Variants in TOP2A observed in about 807,000 individuals in gnomAD.
The protein encoded by TOP2A is DNA topoisomerase II alpha, also known as DNA topoisomerase 2-alpha.
In TOP2A, 68 loss-of-function variants were observed where a neutral mutation model predicts 187.2. The observed-to-expected ratio is 0.36, with a 90% CI of 0.30 to 0.44. The LOEUF (loss-of-function observed/expected upper bound fraction) is 0.44. TOP2A is among the 20% of genes least tolerant of loss of function. TOP2A has a pLI of 1.00. For synonymous variants in TOP2A, 542 were observed against 593.2 expected (o/e 0.91, Z 1.25); for missense variants, 1,196 against 1,808.7 (o/e 0.66, Z 6.14).
Position 40,396,407 on chromosome 17 carries a change from T to C in TOP2A, c.3596A>G (p.Lys1199Arg), listed in dbSNP as rs565710762. 2.5e-6 allele frequency: 4 copies of C among 1,613,866 alleles called. No individual in the cohort carries two copies. The highest frequency in any genetic ancestry group is 3.4e-6 in the Non-Finnish European group (4 of 1,179,882). The change falls in exon 28 of 35, where the codon AAG (lysine) becomes AGG (arginine). Residue 1199 changes from lysine to arginine, a missense_variant. Coordinates refer to ENST00000423485, the MANE Select transcript of TOP2A (RefSeq NM_001067.4). ...CATTTGTGTTTTTTTCCCCTTGGCC[T>C]TCCCCCCTTTCCCAGGAAGTCCGAC... The part of the protein sequence containing the change: ...EQVGLPGKGG[K>R]AKGKKTQMAE...
At chr17:40,396,148 T>A (rs575595876) in intron 28 of TOP2A, 135 bp downstream of exon 28, 1 of 527,516 alleles carries the variant, frequency 1.9e-6, no homozygotes, top group South Asian at 2.8e-5. Context: ...CCCGCCTAAT[T>A]TTTTTAATTT....
In TOP2A at chr17:40,417,489, CG is replaced by C. The variant is rs1181420586; in HGVS notation, c.21+281del. On this transcript the variant is annotated intron_variant, in intron 1 of 34. Transcript: ENST00000423485. ...ACGCGCGACTCAATAACGTCGCACC[CG>C]GGCCGCTGTAACATGGATCCACTAC... The C allele has an allele frequency of 7.4e-6, 10 of 1,358,376 alleles. No homozygotes were observed. In the African/African-American group the frequency reaches 1.0e-4, roughly 14 times the overall value. The allele number at this position is 1,358,376 out of a possible 1,614,324, so 84.1% of individuals were successfully genotyped here.
At chr17:40,396,533 C>T (rs1454486692) in intron 27 of TOP2A, 68 bp from the exon 28 acceptor site, 1 of 1,547,800 alleles carries the variant, frequency 6.5e-7, no homozygotes, top group South Asian at 1.2e-5. Context: ...AAACACCCAA[C>T]AGTTAAACTG....
intron 1 of TOP2A, chr17:40,417,471 A>C (rs372832319): frequency 5.8e-6 from 7 of 1,212,188 alleles, no homozygotes; most frequent in Non-Finnish European, 7.7e-6. Context: ...TGTACGCGCG[A>C]CTCAATAACG....
At chr17:40,408,879 T>C in intron 10 of TOP2A, 2 of 597,576 alleles carry the variant, frequency 3.3e-6, no homozygotes, top group South Asian at 3.0e-5. Context: ...AGCACTGAGC[T>C]ACTTGTTGGA....
chr17:40,407,506 T>C, intron 13 of TOP2A, 43 bp downstream of exon 13: 1 of 1,470,652 alleles, frequency 6.8e-7, no homozygotes, highest in Non-Finnish European at 9.1e-7. Flanking sequence ...TAAGACATGC[T>C]TAATTTAGTT....
chr17:40,391,796 G>C (rs1303020769), intron 32 of TOP2A, 156 bp from the exon 33 acceptor site: 2 of 960,942 alleles, frequency 2.1e-6, no homozygotes, highest in African/African-American at 3.4e-5. Context: ...TCTAATTTCT[G>C]AATTTTTTAT....
At position 40,398,563 on chromosome 17, in the gene TOP2A, A is replaced by G. The variant is rs780566398; in HGVS notation, c.3532T>C (p.Leu1178=). ...KEDLATFIEE[L]EAVEAKEKQD... The stretch of plus-strand genomic sequence containing the variant: ...GGGCATTATAAACTACATACCTCCA[A>G]TTCTTCAATAAATGTAGCCAAGTCT... Residue 1178 remains leucine, a synonymous_variant, in exon 27 of 35, where the codon TTG becomes CTG. Transcript: ENST00000423485. 1.3e-6 allele frequency: 2 copies of G among 1,575,332 alleles called. No individual in the cohort carries two copies. The highest frequency in any genetic ancestry group is 1.9e-5 in the Admixed American group (1 of 53,628).
At chr17:40,404,983 T>A in intron 16 of TOP2A, 100 bp from the exon 17 acceptor site, 3 of 717,856 alleles carry the variant, frequency 4.2e-6, no homozygotes, top group Non-Finnish European at 6.8e-6. Context: ...ACAAAAATAC[T>A]GTTTTCCTTT....
At chr17:40,416,124 G>GT in intron 3 of TOP2A, 56 bp from the exon 4 acceptor site, 1 of 1,281,792 alleles carries the variant, frequency 7.8e-7, no homozygotes, top group Non-Finnish European at 1.1e-6. Flanking sequence ...GAAACATTCT[G>GT]TAACTCTAAG....
intron 20 of TOP2A, among the ~76,000 whole-genome samples, chr17:40,402,276 G>A (rs1215072069): frequency 6.6e-6 from 1 of 152,210 alleles, no homozygotes; most frequent in Non-Finnish European, 1.5e-5. Context: ...GAAATGTTAA[G>A]AGGGCAGTCA....
chr17:40,392,658 T>G lies in TOP2A; in HGVS notation c.3891A>C (p.Ser1297=). Residue 1297 remains serine, a synonymous_variant, in exon 30 of 35, where the codon TCA becomes TCC. Transcript: ENST00000423485. ...TTTCGTCACTGCTCCTATCTGATTCTGAATCAGACCAGGGATTTCTCTTCT... is the reference window on the plus strand; with the variant it reads ...TTTCGTCACTGCTCCTATCTGATTCGGAATCAGACCAGGGATTTCTCTTCT... ...KGKKRNPWSD[S]ESDRSSDESN... The G allele has an allele frequency of 6.2e-7, 1 of 1,612,866 alleles. No individual in the cohort carries two copies. Among genetic ancestry groups the G allele is most frequent in the Non-Finnish European group, 8.5e-7 (1 of 1,179,106 alleles).
intron 1 of TOP2A, 69 bp downstream of exon 1, chr17:40,417,702 T>C: frequency 6.2e-7 from 1 of 1,606,272 alleles, no homozygotes; most frequent in South Asian, 1.1e-5. Context: ...GCTTCACCCG[T>C]CACGGGCGGC....
At position 40,389,951 on chromosome 17, in the gene TOP2A, G is replaced by T. The variant is rs1203720729; in HGVS notation, c.4467+14C>A. 1 of 1,608,550 alleles carries T rather than the reference G, an allele frequency of 6.2e-7. No homozygotes were observed. Among genetic ancestry groups the T allele is most frequent in the Admixed American group, 1.7e-5 (1 of 59,082 alleles). ...ACATCTACAGCAAAAGGACTGACTA[G>T]GATCAACACTCACCTTGCTTGTGAC... On this transcript the variant is annotated intron_variant, in intron 34 of 34. Coordinates refer to ENST00000423485, the MANE Select transcript of TOP2A (RefSeq NM_001067.4).
Position 40,399,401 on chromosome 17 carries a change from C to T in TOP2A, c.3197-270G>A, listed in dbSNP as rs1598611699. 9.6e-6 allele frequency: 4 copies of T among 416,134 alleles called. No homozygotes were observed. In the East Asian group the frequency reaches 1.4e-4, roughly 14 times the overall value. 25.8% of individuals were successfully genotyped at this position (416,134 alleles called of 1,614,324 possible). A position where few individuals can be genotyped will look rare whatever the true frequency, so the allele number is the denominator to read the frequency against. On this transcript the variant is annotated intron_variant, in intron 24 of 34. Coordinates refer to ENST00000423485, the MANE Select transcript of TOP2A (RefSeq NM_001067.4). Reference sequence around the variant, plus strand: ...TTGTGTCCAGGCTGGAGTGCAGTGGCACTACCTAGGCTCACTGCAGCCTTG... The same window carrying T: ...TTGTGTCCAGGCTGGAGTGCAGTGGTACTACCTAGGCTCACTGCAGCCTTG...
At chr17:40,409,983 G>A in intron 10 of TOP2A, 1 of 170,382 alleles carries the variant, frequency 5.9e-6, no homozygotes. Flanking sequence ...AGCTACTCGG[G>A]AGGCTGAGGC....
At chr17:40,393,949 G>A (rs957865621) in intron 29 of TOP2A, among the ~76,000 whole-genome samples, 1 of 151,858 alleles carries the variant, frequency 6.6e-6, no homozygotes, top group South Asian at 2.1e-4. Flanking sequence ...CCAGCTCCTC[G>A]GGAGGCTGAG....
chr17:40,416,303 A>G, intron 3 of TOP2A, 119 bp downstream of exon 3: 1 of 777,666 alleles, frequency 1.3e-6, no homozygotes, highest in Non-Finnish European at 2.1e-6. Context: ...CCCTGGCTAC[A>G]GCAGGTTTGG....
rs1358170445 is a variant in TOP2A, at chr17:40,396,353, T to C, written c.3650A>G (p.Gln1217Arg). 1.9e-6 allele frequency: 3 copies of C among 1,613,858 alleles called. No individual in the cohort carries two copies. Among genetic ancestry groups the C allele is most frequent in the Admixed American group, 1.7e-5 (1 of 59,996 alleles). The part of the protein sequence containing the change: ...MAEVLPSPRG[Q>R]RVIPRITIEM... ...TATGGTTATTCGTGGAATGACTCTTTGACCACGCGGAGAAGGCAAAACTTC... is the reference window on the plus strand; with the variant it reads ...TATGGTTATTCGTGGAATGACTCTTCGACCACGCGGAGAAGGCAAAACTTC... Residue 1217 changes from glutamine (Q) to arginine (R), a missense_variant, in exon 28 of 35, where the codon CAA (glutamine) becomes CGA (arginine). Transcript: ENST00000423485.
Sources: gnomAD v4.1 joint callset for allele counts (sites outside exome capture counted in the v4.1 genomes callset) on GRCh38, gnomAD v4.1.1 for gene constraint, MANE v1.5 for transcripts, NCBI Gene and HGNC (gene_info 2026-07-23, HGNC 2026-07-21) for gene names.